Variants in TMC7 observed in about 807,000 individuals in gnomAD.
The protein encoded by TMC7 is transmembrane channel-like protein 7.
Under a neutral mutation model 82.9 loss-of-function variants are expected in TMC7, and 54 were observed. The observed-to-expected ratio is 0.65, with a 90% confidence interval of 0.52 to 0.82. The LOEUF (loss-of-function observed/expected upper bound fraction) is 0.82. Among genes scored for constraint, TMC7 ranks in the 40% least tolerant of loss-of-function variants. The pLI, the probability that TMC7 is intolerant of heterozygous loss-of-function variation, is 0.00. For synonymous variants in TMC7, 350 were observed against 337.9 expected, an observed-to-expected ratio of 1.04 and a Z score of -0.39; for missense variants, 820 against 901.2, an observed-to-expected ratio of 0.91 and a Z score of 1.15.
intron 1 of TMC7, among the ~76,000 whole-genome samples, chr16:18,992,256 C>T (rs2038964959): frequency 6.6e-6 from 1 of 152,172 alleles, no homozygotes; most frequent in Non-Finnish European, 1.5e-5. Flanking sequence ...TCTCCAGCGC[C>T]TGTTGTTTCC....
chr16:19,031,334 T>C (rs1165429325), intron 6 of TMC7, among the ~76,000 whole-genome samples: 2 of 152,172 alleles, frequency 1.3e-5, no homozygotes, highest in Admixed American at 6.6e-5. Context: ...TGCCCAGCAC[T>C]GTGCGAGCAC....
At chr16:19,028,802 C>T (rs891220468) in intron 5 of TMC7, among the ~76,000 whole-genome samples, 6 of 151,442 alleles carry the variant, frequency 4.0e-5, no homozygotes, top group Admixed American at 2.0e-4. Context: ...ACTACAGGCA[C>T]ATGCCACCAT....
intron 4 of TMC7, 65 bp downstream of exon 4, chr16:19,021,861 C>T: frequency 6.5e-7 from 1 of 1,536,964 alleles, no homozygotes; most frequent in Non-Finnish European, 8.8e-7. Context: ...TGCTACAATG[C>T]TTCCTTTGCT....
In TMC7 at chr16:19,063,011, G is replaced by A. The variant is rs1220373341; in HGVS notation, c.*1168G>A. On this transcript the variant is annotated 3_prime_UTR_variant, in exon 16 of 16. Coordinates refer to ENST00000304381, the MANE Select transcript of TMC7 (RefSeq NM_024847.4). ...CTGAATCCTTGCTCAGAGGAGCAAA[G>A]GTATCTTCTCGTCCCTTTCTTACAG... 2 of 152,202 alleles carry A rather than the reference G, an allele frequency of 1.3e-5. No homozygotes were observed. Among genetic ancestry groups the A allele is most frequent in the South Asian group, 2.1e-4 (1 of 4,834 alleles). 9.4% of individuals were successfully genotyped at this position (152,202 alleles called of 1,614,324 possible).
chr16:19,023,572 G>A (rs751363337), intron 5 of TMC7, among the ~76,000 whole-genome samples: 6 of 152,038 alleles, frequency 3.9e-5, no homozygotes, highest in East Asian at 1.9e-4. Context: ...TCAGCCTCTC[G>A]AGTAGCTGGA....
chr16:19,020,955 A>G (rs1018046686), intron 3 of TMC7, among the ~76,000 whole-genome samples: 5 of 152,124 alleles, frequency 3.3e-5, no homozygotes, highest in African/African-American at 4.8e-5. Context: ...GAAAACTATA[A>G]TAGTATTATT....
At chr16:19,041,513 G>A (rs576149582) in intron 9 of TMC7, among the ~76,000 whole-genome samples, 6 of 152,038 alleles carry the variant, frequency 3.9e-5, no homozygotes, top group South Asian at 2.1e-4. Context: ...CTACAGGCAC[G>A]GGCCACCATG....
intron 1 of TMC7, among the ~76,000 whole-genome samples, chr16:19,006,339 C>T (rs1022974399): frequency 5.3e-5 from 8 of 152,120 alleles, no homozygotes; most frequent in South Asian, 2.1e-4. Flanking sequence ...CACGCGCTAG[C>T]GTGCCCAGCT....
chr16:19,021,694 G>C lies in TMC7; in HGVS notation c.526G>C (p.Val176Leu). Residue 176 changes from valine to leucine, a missense_variant, in exon 4 of 16, where the codon GTG becomes CTG. Val to Leu is a conservative substitution (Grantham distance 32). This residue lies in a region of TMC7 where 650 missense variants were observed against 669.9 expected (regional missense o/e 0.97). Coordinates refer to ENST00000304381, the MANE Select transcript of TMC7 (RefSeq NM_024847.4). The part of the protein sequence containing the change: ...FLRFLVLLNL[V>L]IFLIIFMLVL... ...GAGATTCCTGGTGTTGCTGAATTTG[G>C]TGATATTTCTGATCATCTTTATGCT... 1.2e-6 allele frequency: 2 copies of C among 1,614,038 alleles called. No homozygotes were observed. Among genetic ancestry groups the C allele is most frequent in the Non-Finnish European group, 1.7e-6 (2 of 1,179,998 alleles).
chr16:19,016,350 A>G (rs1382016659), intron 2 of TMC7, 100 bp from the exon 3 acceptor site: 1 of 1,468,920 alleles, frequency 6.8e-7, no homozygotes, highest in East Asian at 2.4e-5. Flanking sequence ...TCGGCCTCCC[A>G]GAGTGCTGGG....
intron 6 of TMC7, among the ~76,000 whole-genome samples, chr16:19,032,869 C>T (rs1356607195): frequency 6.6e-6 from 1 of 152,174 alleles, no homozygotes; most frequent in Non-Finnish European, 1.5e-5. Flanking sequence ...CCTTGTGATC[C>T]ACCCACCTCG....
At chr16:19,034,791 C>G (rs115986112) in intron 6 of TMC7, among the ~76,000 whole-genome samples, 2,093 of 151,826 alleles carry the variant, frequency 0.014, 52 homozygotes, top group African/African-American at 0.048. Flanking sequence ...TGGGAATTCC[C>G]AAGGGTAGAG....
chr16:19,053,307 C>CTTT (rs11409750), intron 13 of TMC7, among the ~76,000 whole-genome samples: 2 of 148,418 alleles, frequency 1.3e-5, no homozygotes. Context: ...CATTAATATT[C>CTTT]TTTTTTTTTT....
intron 13 of TMC7, among the ~76,000 whole-genome samples, chr16:19,053,775 C>T (rs1961645449): frequency 6.6e-6 from 1 of 150,946 alleles, no homozygotes; most frequent in Non-Finnish European, 1.5e-5. Context: ...GGTGAAAATT[C>T]ATTTTCTCAT....
chr16:19,022,096 C>A (rs1183386486), intron 4 of TMC7, among the ~76,000 whole-genome samples: 1 of 152,140 alleles, frequency 6.6e-6, no homozygotes, highest in Non-Finnish European at 1.5e-5. Flanking sequence ...GATGGAGCAG[C>A]CTCTATCTGG....
At chr16:19,002,105 A>G (rs1454593064) in intron 1 of TMC7, among the ~76,000 whole-genome samples, 10 of 152,112 alleles carry the variant, frequency 6.6e-5, no homozygotes, top group Non-Finnish European at 1.5e-4. Context: ...TGGGAGGTTC[A>G]TGCCTGTTGG....
At chr16:19,047,943 C>A (rs1282919998) in intron 12 of TMC7, among the ~76,000 whole-genome samples, 3 of 151,828 alleles carry the variant, frequency 2.0e-5, no homozygotes, top group Non-Finnish European at 2.9e-5. Flanking sequence ...TCGTGATCCA[C>A]CCGCCTCGGC....
At chr16:18,994,737 A>G (rs60501576) in intron 1 of TMC7, among the ~76,000 whole-genome samples, 43,481 of 152,092 alleles carry the variant, frequency 0.29, 6,560 homozygotes, top group Non-Finnish European at 0.34. Flanking sequence ...CAGATCCTGA[A>G]CTAACCTGTA....
chr16:19,047,094 CTGATT>C lies in TMC7; in HGVS notation c.1586_1590del (p.Leu529ProfsTer12), dbSNP rs1490177616. The C allele has an allele frequency of 6.2e-6, 10 of 1,612,392 alleles. No homozygotes were observed. The highest frequency in any genetic ancestry group is 5.9e-6 in the Non-Finnish European group (7 of 1,179,448). On this transcript the variant is annotated frameshift_variant, in exon 12 of 16. Coordinates refer to ENST00000304381, the MANE Select transcript of TMC7 (RefSeq NM_024847.4). LOFTEE classifies it high-confidence loss of function. ...GGTGACCTACTGTTCCTCTTGCAAG[CTGATT>C]CAGTGCTGGGGGCAGCAGGAGTTTG...
Sources: gnomAD v4.1 joint callset for allele counts (sites outside exome capture counted in the v4.1 genomes callset) on GRCh38, gnomAD v4.1.1 for gene constraint, gnomAD v4.1.1 regional missense constraint, MANE v1.5 for transcripts, NCBI Gene and HGNC (gene_info 2026-07-23, HGNC 2026-07-21) for gene names.